The following DDC variants were observed in gnomAD, a reference collection of about 807,000 sequenced individuals.
DDC encodes the protein aromatic-L-amino-acid decarboxylase.
In DDC, 43 loss-of-function variants were observed where a neutral mutation model predicts 60.0. The ratio of observed to expected loss-of-function variants is 0.72; its 90% CI spans 0.56 to 0.92. The LOEUF is 0.92. Among genes scored for constraint, DDC ranks in the 40% least tolerant of loss-of-function variants. DDC has a pLI of 0.00. For missense variants in DDC, 573 were observed against 620.2 expected, an observed-to-expected ratio of 0.92 and a Z score of 0.81; for synonymous variants, 232 against 234.6, an observed-to-expected ratio of 0.99 and a Z score of 0.10.
intron 4 of DDC, among the ~76,000 whole-genome samples, chr7:50,534,823 C>T (rs1329738773): frequency 6.6e-6 from 1 of 152,194 alleles, no homozygotes; most frequent in Non-Finnish European, 1.5e-5. Context: ...TGCCCTCTGT[C>T]CCCTGGAGAA....
intron 9 of DDC, among the ~76,000 whole-genome samples, chr7:50,486,248 T>C (rs2042877528): frequency 6.6e-6 from 1 of 152,232 alleles, no homozygotes; most frequent in Non-Finnish European, 1.5e-5. Context: ...TTTGTATTTG[T>C]ATTTGTAAAA....
At chr7:50,487,364 T>C (rs1456907027) in intron 9 of DDC, among the ~76,000 whole-genome samples, 2 of 152,122 alleles carry the variant, frequency 1.3e-5, no homozygotes, top group Non-Finnish European at 2.9e-5. Context: ...CAGGGAGAAT[T>C]AGGGTTAGTA....
At chr7:50,493,047 T>C in intron 9 of DDC, 2 of 1,521,234 alleles carry the variant, frequency 1.3e-6, no homozygotes, top group Non-Finnish European at 1.8e-6. Flanking sequence ...CTTCTTATCG[T>C]GTGTCAATAT....
intron 1 of DDC, among the ~76,000 whole-genome samples, chr7:50,558,993 C>T (rs1026227343): frequency 4.6e-5 from 7 of 152,216 alleles, no homozygotes; most frequent in African/African-American, 1.4e-4. Flanking sequence ...GCTCAACAAA[C>T]TCTGCTGCCC....
At chr7:50,490,580 G>A (rs1438676134) in intron 9 of DDC, among the ~76,000 whole-genome samples, 2 of 152,182 alleles carry the variant, frequency 1.3e-5, no homozygotes, top group Non-Finnish European at 2.9e-5. Flanking sequence ...TGAGGCAGGA[G>A]ACTCGCTTGA....
intron 2 of DDC, 118 bp downstream of exon 2, chr7:50,543,767 C>A (rs1014927875): frequency 9.6e-7 from 1 of 1,043,692 alleles, no homozygotes; most frequent in Non-Finnish European, 1.5e-6. Context: ...GACAAAATTT[C>A]TCTCCAACCT....
At chr7:50,488,195 A>C (rs1300374333) in intron 9 of DDC, among the ~76,000 whole-genome samples, 1 of 152,008 alleles carries the variant, frequency 6.6e-6, no homozygotes, top group Non-Finnish European at 1.5e-5. Flanking sequence ...TTGTTAAAAA[A>C]CGACATATAA....
At chr7:50,495,739 C>T (rs1180181208) in intron 8 of DDC, among the ~76,000 whole-genome samples, 1 of 152,000 alleles carries the variant, frequency 6.6e-6, no homozygotes, top group Non-Finnish European at 1.5e-5. Flanking sequence ...TTTATATTCC[C>T]AAATGAAAAG....
chr7:50,506,716 T>C (rs1264745090), intron 6 of DDC, among the ~76,000 whole-genome samples: 1 of 152,248 alleles, frequency 6.6e-6, no homozygotes, highest in Non-Finnish European at 1.5e-5. Flanking sequence ...CCATGTCACA[T>C]TGGCACCTGG....
intron 1 of DDC, among the ~76,000 whole-genome samples, chr7:50,545,717 C>G (rs955964439): frequency 3.3e-5 from 5 of 152,206 alleles, no homozygotes; most frequent in Non-Finnish European, 7.3e-5. Flanking sequence ...TGGTGATCCA[C>G]CAGCCTCGGC....
Position 50,543,681 on chromosome 7 carries a change from G to A in DDC, c.201+204C>T, listed in dbSNP as rs75051452. On this transcript the variant is annotated intron_variant, in intron 2 of 14. Transcript: ENST00000444124. The stretch of plus-strand genomic sequence containing the variant: ...TTTGGATTTTAATCCTGACTTCATC[G>A]TGTACTACCTGTGTGACCTGAGGTG... 1.2e-3 allele frequency among the ~76,000 whole-genome samples: 180 copies of A among 152,256 alleles called. 1 individual carries two copies. The highest frequency in any genetic ancestry group is 4.0e-3 in the African/African-American group (165 of 41,540).
In DDC at chr7:50,543,960, G is replaced by A; in HGVS notation, c.126C>T (p.Ile42=). 6.2e-7 allele frequency: 1 copy of A among 1,614,180 alleles called. No individual in the cohort carries two copies. The highest frequency in any genetic ancestry group is 1.3e-5 in the African/African-American group (1 of 75,028). The change falls in exon 2 of 15, where the codon ATC becomes ATT. Residue 42 remains isoleucine, a synonymous_variant. Coordinates refer to ENST00000444124, the MANE Select transcript of DDC (RefSeq NM_001082971.2). Reference sequence around the variant, plus strand: ...CTGGCTCCTGAGGGGCAGCGGCAGGGATCAGCGGCCGCAGGTACCCGGGCT... The same window carrying A: ...CTGGCTCCTGAGGGGCAGCGGCAGGAATCAGCGGCCGCAGGTACCCGGGCT... ...DVEPGYLRPL[I]PAAAPQEPDT...
chr7:50,479,916 C>A, intron 9 of DDC, 53 bp from the exon 10 acceptor site: 2 of 1,421,858 alleles, frequency 1.4e-6, no homozygotes, highest in South Asian at 2.3e-5. Flanking sequence ...CTAGACTGGA[C>A]CACCTCTCCC....
intron 6 of DDC, among the ~76,000 whole-genome samples, chr7:50,512,825 TACAG>T (rs2043617578): frequency 6.6e-6 from 1 of 152,304 alleles, no homozygotes; most frequent in South Asian, 2.1e-4. Flanking sequence ...TTTTTAAGGA[TACAG>T]ACAGTGTGAA....
At chr7:50,529,399 T>G in intron 4 of DDC, 57 bp from the exon 5 acceptor site, 1 of 1,586,292 alleles carries the variant, frequency 6.3e-7, no homozygotes, top group Non-Finnish European at 8.7e-7. Flanking sequence ...CATTGGTACC[T>G]ACACTATTGG....
At chr7:50,488,528 A>T (rs2042932813) in intron 9 of DDC, among the ~76,000 whole-genome samples, 1 of 152,224 alleles carries the variant, frequency 6.6e-6, no homozygotes, top group South Asian at 2.1e-4. Flanking sequence ...ATCACTGGTT[A>T]TTTAAAAAAG....
At chr7:50,493,147 C>T (rs569892168) in intron 9 of DDC, 19 of 722,068 alleles carry the variant, frequency 2.6e-5, no homozygotes, top group African/African-American at 2.4e-4. Context: ...ATGTCTGTGT[C>T]CCTCAACACA....
At chr7:50,503,295 G>T (rs1250761544) in intron 7 of DDC, among the ~76,000 whole-genome samples, 1 of 152,214 alleles carries the variant, frequency 6.6e-6, no homozygotes, top group Non-Finnish European at 1.5e-5. Flanking sequence ...CCCTACGAGG[G>T]TTCTTCTGTC....
At chr7:50,559,973 G>A (rs116640274) in intron 1 of DDC, among the ~76,000 whole-genome samples, 6 of 152,152 alleles carry the variant, frequency 3.9e-5, no homozygotes, top group Admixed American at 2.0e-4. Flanking sequence ...CCCACCTAGC[G>A]TGTGCCCAGA....
Sources: gnomAD v4.1 joint callset for allele counts (sites outside exome capture counted in the v4.1 genomes callset) on GRCh38, gnomAD v4.1.1 for gene constraint, MANE v1.5 for transcripts, NCBI Gene and HGNC (gene_info 2026-07-23, HGNC 2026-07-21) for gene names.